The following ADGRL2 variants were observed in gnomAD, a reference collection of about 807,000 sequenced individuals.
The protein encoded by ADGRL2 is calcium-independent alpha-latrotoxin receptor 2.
In ADGRL2, 44 loss-of-function variants were observed where a neutral mutation model predicts 157.4. The ratio of observed to expected loss-of-function variants is 0.28; its 90% CI spans 0.22 to 0.36. ADGRL2 has a LOEUF of 0.36. ADGRL2 is among the 10% of genes least tolerant of loss of function. The probability of loss-of-function intolerance (pLI) is 1.00; values close to 1 mark genes in which losing one functional copy is unlikely to be tolerated. For synonymous variants in ADGRL2, 585 were observed against 624.7 expected, an observed-to-expected ratio of 0.94 and a Z score of 0.95; for missense variants, 1,510 against 1,768.9, an observed-to-expected ratio of 0.85 and a Z score of 2.63.
intron 1 of ADGRL2, among the ~76,000 whole-genome samples, chr1:81,726,668 G>A (rs1401663931): frequency 6.6e-6 from 1 of 152,142 alleles, no homozygotes; most frequent in African/African-American, 2.4e-5. Flanking sequence ...GGTAAAAGTA[G>A]CACATGTTCA....
At chr1:81,600,260 GA>G (rs1408022262) in intron 3 of ADGRL2, among the ~76,000 whole-genome samples, 1 of 152,196 alleles carries the variant, frequency 6.6e-6, no homozygotes, top group Non-Finnish European at 1.5e-5. Flanking sequence ...GCAAAGCCTT[GA>G]ATTGTAAACT....
At chr1:81,816,963 C>CTT (rs68090624) in intron 1 of ADGRL2, among the ~76,000 whole-genome samples, 3,733 of 135,076 alleles carry the variant, frequency 0.028, 69 homozygotes, top group East Asian at 0.061. Context: ...TTTTTTGGGG[C>CTT]TTTTTTTTTT....
chr1:81,307,355 C>G (rs1229636154), intron 1 of ADGRL2, among the ~76,000 whole-genome samples: 1 of 152,078 alleles, frequency 6.6e-6, no homozygotes, highest in Non-Finnish European at 1.5e-5. Context: ...ATATGTGTCT[C>G]CTTGAAGTTA....
chr1:81,802,067 C>A (rs2088264880), intron 1 of ADGRL2, among the ~76,000 whole-genome samples: 1 of 150,376 alleles, frequency 6.6e-6, no homozygotes, highest in Admixed American at 6.6e-5. Flanking sequence ...CCGTGTCCGG[C>A]CGGGGAGCTG....
intron 2 of ADGRL2, among the ~76,000 whole-genome samples, chr1:81,888,996 G>A (rs145106765): frequency 7.6e-4 from 115 of 152,112 alleles, no homozygotes; most frequent in Middle Eastern, 3.4e-3. Flanking sequence ...CATTCCAGAC[G>A]ATGAACTTAA....
At chr1:81,969,593 C>A (rs140342965) in intron 15 of ADGRL2, among the ~76,000 whole-genome samples, 1 of 152,054 alleles carries the variant, frequency 6.6e-6, no homozygotes, top group African/African-American at 2.4e-5. Flanking sequence ...TATTAAGATA[C>A]AGTCGAATTT....
chr1:81,644,900 C>G (rs560700413), intron 3 of ADGRL2, among the ~76,000 whole-genome samples: 18 of 152,162 alleles, frequency 1.2e-4, no homozygotes, highest in Non-Finnish European at 2.5e-4. Context: ...AAACAAAAAT[C>G]ACTTAGACCC....
At chr1:81,496,924 G>T (rs1237029138) in intron 2 of ADGRL2, among the ~76,000 whole-genome samples, 1 of 152,000 alleles carries the variant, frequency 6.6e-6, no homozygotes, top group East Asian at 1.9e-4. Flanking sequence ...GGTTGGCTTT[G>T]TCCTCCCCTT....
At chr1:81,567,474 A>C (rs1397351334) in intron 2 of ADGRL2, among the ~76,000 whole-genome samples, 1 of 152,130 alleles carries the variant, frequency 6.6e-6, no homozygotes, top group Non-Finnish European at 1.5e-5. Context: ...TATGTAGGGC[A>C]CTCGGTACTT....
At chr1:81,970,289 T>C (rs1470993172) in intron 15 of ADGRL2, 25 bp from the exon 16 acceptor site, 1 of 1,526,120 alleles carries the variant, frequency 6.6e-7, no homozygotes, top group Admixed American at 1.7e-5. Flanking sequence ...TTTTCTTTTG[T>C]GTTTTTTGTT....
At chr1:81,922,130 C>T (rs967631378) in intron 3 of ADGRL2, among the ~76,000 whole-genome samples, 1 of 152,088 alleles carries the variant, frequency 6.6e-6, no homozygotes, top group Non-Finnish European at 1.5e-5. Context: ...TACCAAATCT[C>T]CCTTATAGTG....
At chr1:81,381,242 C>G (rs1419401753) in intron 1 of ADGRL2, among the ~76,000 whole-genome samples, 3 of 152,088 alleles carry the variant, frequency 2.0e-5, no homozygotes, top group African/African-American at 7.2e-5. Context: ...TCAGGGATAA[C>G]TTTTCCCAAA....
At chr1:81,484,575 C>T (rs1282607141) in intron 2 of ADGRL2, among the ~76,000 whole-genome samples, 6 of 152,154 alleles carry the variant, frequency 3.9e-5, no homozygotes, top group Admixed American at 3.9e-4. Context: ...CTTCCCTAAA[C>T]TATGATGTGG....
At chr1:81,387,663 A>G (rs971653722) in intron 1 of ADGRL2, among the ~76,000 whole-genome samples, 14 of 152,114 alleles carry the variant, frequency 9.2e-5, no homozygotes, top group Non-Finnish European at 1.6e-4. Context: ...TCATCAACCA[A>G]TTGTTAGATG....
At chr1:81,454,698 T>G (rs1258511458) in intron 2 of ADGRL2, among the ~76,000 whole-genome samples, 1 of 152,180 alleles carries the variant, frequency 6.6e-6, no homozygotes, top group Non-Finnish European at 1.5e-5. Flanking sequence ...ACTACGAACT[T>G]GAAAATGTCA....
At chr1:81,696,958 G>A (rs553263924), upstream of ADGRL2, among the ~76,000 whole-genome samples, 4 of 152,224 alleles carry the variant, frequency 2.6e-5, no homozygotes, top group South Asian at 2.1e-4. Flanking sequence ...GCATGGGGTC[G>A]CTAAGAAGAA....
chr1:81,941,149 T>G (rs1456968717), intron 4 of ADGRL2, among the ~76,000 whole-genome samples: 2 of 144,780 alleles, frequency 1.4e-5, no homozygotes, highest in Non-Finnish European at 3.0e-5. Context: ...TTGCCTACTG[T>G]GCTTGCTTTT....
rs191389471 is a variant in ADGRL2 at position 81,717,302 on chromosome 1, C to A, written c.-143+17494C>A. ...ACAGGAACCCAGCCTGGGCTTCTCT[C>A]CTTTGGAAAGAGGCACAGCATGGCT... On this transcript the variant is annotated intron_variant, in intron 1 of 20. Coordinates refer to the ADGRL2 transcript ENST00000359929. Among the ~76,000 whole-genome samples, 50 of 152,272 alleles carry A rather than the reference C, an allele frequency of 3.3e-4. 1 individual carries two copies. The highest frequency in any genetic ancestry group is 1.1e-3 in the African/African-American group (47 of 41,558).
At chr1:81,486,573 G>A (rs2078506904) in intron 2 of ADGRL2, among the ~76,000 whole-genome samples, 1 of 151,716 alleles carries the variant, frequency 6.6e-6, no homozygotes, top group African/African-American at 2.4e-5. Flanking sequence ...AGTACTATTA[G>A]GTAGATGGGA....
Sources: allele counts gnomAD v4.1 joint callset (sites outside exome capture counted in the v4.1 genomes callset), GRCh38; gene constraint gnomAD v4.1.1; transcripts MANE v1.5; gene names NCBI Gene and HGNC (gene_info 2026-07-23, HGNC 2026-07-21).